ALG13: variants seen among roughly 807,000 people sequenced by gnomAD.
ALG13 encodes the protein UDP-N-acetylglucosamine transferase subunit ALG13.
A neutral mutation model predicts 87.8 loss-of-function variants in ALG13; 11 were observed. The observed-to-expected ratio is 0.13, with a 90% CI of 0.08 to 0.21. The LOEUF (loss-of-function observed/expected upper bound fraction) is 0.21, where lower values mean the gene tolerates loss of function less well. Among genes scored for constraint, ALG13 ranks in the 10% least tolerant of loss-of-function variants. The pLI, the probability that ALG13 is intolerant of heterozygous loss-of-function variation, is 1.00. For missense variants in ALG13, 756 were observed against 866.1 expected (o/e 0.87, Z 1.60); for synonymous variants, 320 against 306.3 (o/e 1.04, Z -0.47).
rs747153242 is a variant in ALG13 at position 111,706,322 on chromosome X, C to T, written c.384-1705C>T. On this transcript the variant is annotated intron_variant, in intron 3 of 26. Transcript: ENST00000394780. ...GGGATCACAGGCGTGAGCCATTGTG[C>T]CTGACCAAATTATAACCCTTAATTA... Among the ~76,000 whole-genome samples the T allele has an allele frequency of 2.7e-5, 3 of 112,910 alleles. No individual in the cohort carries two copies. The South Asian group carries it at 1.1e-3, about 41-fold the overall frequency.
chrX:111,727,680 A>G lies in ALG13; in HGVS notation c.2157A>G (p.Pro719=). 1.7e-6 allele frequency: 2 copies of G among 1,209,101 alleles called. No individual in the cohort carries two copies. The highest frequency in any genetic ancestry group is 2.3e-4 in the Middle Eastern group (1 of 4,347). ...AGGAGTCCCAGTATGGATTTACCCC[A>G]GGGAATGGACAGATGCCCAGGGGCT... ...VNKESQYGFT[P]GNGQMPRGLE... Residue 719 remains proline (P), a synonymous_variant, in exon 18 of 27, where the codon CCA becomes CCG. Coordinates refer to ENST00000394780, the MANE Select transcript of ALG13 (RefSeq NM_001099922.3).
At chrX:111,689,855 G>T (rs1046194363) in intron 3 of ALG13, 1 of 751,696 alleles carries the variant, frequency 1.3e-6, no homozygotes, top group East Asian at 1.5e-4. Context: ...TCCTTGCAAG[G>T]TAGGTTTTGT....
chrX:111,694,221 A>G (rs1339992506), intron 3 of ALG13, among the ~76,000 whole-genome samples: 1 of 108,076 alleles, frequency 9.3e-6, no homozygotes, highest in Non-Finnish European at 1.9e-5. Context: ...TTTTTTTTGT[A>G]TTTTTGGTAG....
chrX:111,735,116 C>T lies in ALG13; in HGVS notation c.2523C>T (p.Pro841=), dbSNP rs1229717685. The T allele has an allele frequency of 1.0e-5, 12 of 1,167,254 alleles. No individual in the cohort carries two copies. The highest frequency in any genetic ancestry group is 1.4e-5 in the Non-Finnish European group (12 of 858,598). Residue 841 remains proline (P), a synonymous_variant, in exon 22 of 27, where the codon CCC becomes CCT. Transcript: ENST00000394780. ...ACACAGTTACCTCATACAACTACCCCCAGAAGGTAATCCTCATAGTGTTAT... is the reference window on the plus strand; with the variant it reads ...ACACAGTTACCTCATACAACTACCCTCAGAAGGTAATCCTCATAGTGTTAT... ...PQDTVTSYNY[P]QKMMGNIAAV...
Position 111,712,387 on chromosome X carries a change from A to G in ALG13, c.886-97A>G, listed in dbSNP as rs768419992. 2.1e-4 allele frequency: 97 copies of G among 468,548 alleles called. No individual in the cohort carries two copies. The African/African-American group carries it at 2.2e-3, about 11-fold the overall frequency. The allele number at this position is 468,548 out of a possible 1,213,427, so 38.6% of individuals were successfully genotyped here. A position where few individuals can be genotyped will look rare whatever the true frequency, so the allele number is the denominator to read the frequency against. ...AGTGTGTTCTACAAATTCTTCATCTAAAACAGTGCTAAGCAGCTAAAAATT... is the reference window on the plus strand; with the variant it reads ...AGTGTGTTCTACAAATTCTTCATCTGAAACAGTGCTAAGCAGCTAAAAATT... On this transcript the variant is annotated intron_variant, in intron 6 of 26. Transcript: ENST00000394780.
chrX:111,740,087 G>T (rs1385138732), intron 23 of ALG13, among the ~76,000 whole-genome samples: 2 of 111,521 alleles, frequency 1.8e-5, no homozygotes, highest in South Asian at 3.8e-4. Context: ...ACAAATGAGG[G>T]CTGAGAAGTT....
intron 3 of ALG13, chrX:111,689,563 C>T (rs1166816121): frequency 4.0e-6 from 3 of 753,782 alleles, no homozygotes; most frequent in Non-Finnish European, 4.7e-6. Context: ...GCAGTAACGC[C>T]TCTGACTTCC....
intron 24 of ALG13, among the ~76,000 whole-genome samples, chrX:111,745,357 T>C (rs1011233972): frequency 9.0e-6 from 1 of 111,553 alleles, no homozygotes; most frequent in Non-Finnish European, 1.9e-5. Context: ...AGGAGTCTTA[T>C]CTGCCTTGAA....
At chrX:111,741,830 C>T (rs1165437032) in intron 23 of ALG13, among the ~76,000 whole-genome samples, 2 of 109,090 alleles carry the variant, frequency 1.8e-5, no homozygotes, top group East Asian at 5.8e-4. Flanking sequence ...AAAAAAAGTG[C>T]TTAGCACAGT....
At chrX:111,717,692 T>C (rs1048526826) in intron 8 of ALG13, among the ~76,000 whole-genome samples, 154 bp from the exon 9 acceptor site, 3 of 110,984 alleles carry the variant, frequency 2.7e-5, no homozygotes, top group African/African-American at 6.6e-5. Context: ...ACAGGTTGCA[T>C]TTCCTTATAT....
rs371676857 is a variant in ALG13 at position 111,730,597 on chromosome X, A to C, written c.2457+17A>C. On this transcript the variant is annotated intron_variant, in intron 21 of 26. Transcript: ENST00000394780. ...GCAAACTTGGTAGGTATTTAATAAT[A>C]GCAAAGAGTTATAGCTCCTACTATG... The C allele has an allele frequency of 2.5e-4, 287 of 1,144,711 alleles. No individual in the cohort carries two copies. The highest frequency in any genetic ancestry group is 3.1e-5 in the Non-Finnish European group (26 of 850,566). 94.3% of individuals were successfully genotyped at this position (1,144,711 alleles called of 1,213,427 possible). A position where few individuals can be genotyped will look rare whatever the true frequency, so the allele number is the denominator to read the frequency against.
chrX:111,693,268 T>A (rs1443228573), intron 3 of ALG13, among the ~76,000 whole-genome samples: 1 of 106,768 alleles, frequency 9.4e-6, no homozygotes, highest in African/African-American at 3.4e-5. Context: ...TTATTTTTTT[T>A]TTTTTTAACG....
At position 111,741,644 on chromosome X, in the gene ALG13, C is replaced by T. The variant is rs1269043400; in HGVS notation, c.2696-3024C>T. 2.7e-5 allele frequency among the ~76,000 whole-genome samples: 3 copies of T among 110,432 alleles called. No homozygotes were observed. In the Admixed American group the frequency reaches 2.9e-4, roughly 11 times the overall value. ...CCTGGCCAACATAGGGAAACCCCATCTCTACTAAAAATACAAAAATTAGCC... is the reference window on the plus strand; with the variant it reads ...CCTGGCCAACATAGGGAAACCCCATTTCTACTAAAAATACAAAAATTAGCC... On this transcript the variant is annotated intron_variant, in intron 23 of 26. Transcript: ENST00000394780.
intron 24 of ALG13, 48 bp from the exon 25 acceptor site, chrX:111,752,742 A>T (rs962969607): frequency 1.0e-6 from 1 of 960,455 alleles, no homozygotes; most frequent in Non-Finnish European, 1.5e-6. Flanking sequence ...GATAATTCTA[A>T]TTGCTTATGT....
chrX:111,681,664 C>T (rs1401485537), intron 1 of ALG13: 1 of 895,385 alleles, frequency 1.1e-6, no homozygotes, highest in Non-Finnish European at 1.4e-6. Flanking sequence ...GGCAGTTTTT[C>T]CTCAGGCCCC....
Position 111,723,725 on chromosome X carries a change from G to A in ALG13, c.1501-73G>A, listed in dbSNP as rs538093629. On this transcript the variant is annotated intron_variant, in intron 13 of 26. Coordinates refer to ENST00000394780, the MANE Select transcript of ALG13 (RefSeq NM_001099922.3). ...AAAGTAGACACTGAACTCCATTTGG[G>A]GAAAAGTGGTATTTTGTTTGGCATT... 103 of 629,736 alleles carry A rather than the reference G, an allele frequency of 1.6e-4. No homozygotes were observed. The South Asian group carries it at 2.8e-3, about 17-fold the overall frequency. The allele number at this position is 629,736 out of a possible 1,213,427, so 51.9% of individuals were successfully genotyped here.
At chrX:111,697,661 G>A (rs762245909) in intron 3 of ALG13, among the ~76,000 whole-genome samples, 1 of 112,099 alleles carries the variant, frequency 8.9e-6, no homozygotes, top group African/African-American at 3.2e-5. Context: ...GTCTAGAATC[G>A]ACCCACAGTT....
intron 21 of ALG13, 104 bp downstream of exon 21, chrX:111,730,684 G>A: frequency 1.8e-6 from 1 of 569,692 alleles, no homozygotes; most frequent in Non-Finnish European, 2.7e-6. Flanking sequence ...ACCCTGTGAG[G>A]CTTAGTATCA....
intron 24 of ALG13, 97 bp downstream of exon 24, chrX:111,745,001 C>A: frequency 2.7e-6 from 2 of 741,038 alleles, no homozygotes; most frequent in Non-Finnish European, 4.1e-6. Flanking sequence ...AATGGGGAAC[C>A]AAATGAAAAT....
Sources: gnomAD v4.1 joint callset for allele counts (sites outside exome capture counted in the v4.1 genomes callset) on GRCh38, gnomAD v4.1.1 for gene constraint, MANE v1.5 for transcripts, NCBI Gene and HGNC (gene_info 2026-07-23, HGNC 2026-07-21) for gene names.